The following EAF2 variants were observed in gnomAD, a reference collection of about 807,000 sequenced individuals.
EAF2 encodes ELL-associated factor 2.
Under a neutral mutation model 29.4 loss-of-function variants are expected in EAF2, and 29 were observed. The ratio of observed to expected loss-of-function variants is 0.99; its 90% CI spans 0.73 to 1.35. The LOEUF is 1.35. EAF2 is among the 40% of genes most tolerant of loss of function. The pLI is 0.00. For synonymous variants in EAF2, 103 were observed against 102.5 expected, an observed-to-expected ratio of 1.00 and a Z score of -0.03; for missense variants, 292 against 312.0, an observed-to-expected ratio of 0.94 and a Z score of 0.48.
intron 2 of EAF2, among the ~76,000 whole-genome samples, chr3:121,845,584 T>C (rs1432522569): frequency 6.6e-6 from 1 of 152,022 alleles, no homozygotes; most frequent in Non-Finnish European, 1.5e-5. Flanking sequence ...ATCCCATAGG[T>C]ATTAAAAAAC....
chr3:121,872,820 A>C, intron 5 of EAF2, 32 bp downstream of exon 5: 1 of 1,584,080 alleles, frequency 6.3e-7, no homozygotes, highest in Non-Finnish European at 8.6e-7. Flanking sequence ...CAATTGGAAA[A>C]GTAAGAATTT....
At chr3:121,886,246 A>T (rs1297290868) in intron 5 of EAF2, 96 bp from the exon 6 acceptor site, 1 of 673,260 alleles carries the variant, frequency 1.5e-6, no homozygotes, top group Non-Finnish European at 2.2e-6. Flanking sequence ...AAACAGAATC[A>T]CGCTTGGGGG....
chr3:121,869,971 A>C (rs1708984106), intron 4 of EAF2, among the ~76,000 whole-genome samples: 1 of 152,194 alleles, frequency 6.6e-6, no homozygotes, highest in Admixed American at 6.5e-5. Context: ...TCAAAAGCTA[A>C]AAACTGCCAA....
intron 1 of EAF2, among the ~76,000 whole-genome samples, chr3:121,835,832 G>C (rs1043804085): frequency 6.6e-6 from 1 of 152,076 alleles, no homozygotes; most frequent in Non-Finnish European, 1.5e-5. Context: ...GGCAGATGAG[G>C]GTTCTTATTT....
At chr3:121,865,997 C>T (rs116773765) in intron 4 of EAF2, among the ~76,000 whole-genome samples, 11 of 152,292 alleles carry the variant, frequency 7.2e-5, no homozygotes, top group South Asian at 2.1e-4. Context: ...GAGACTGGAT[C>T]GCACCAATAA....
chr3:121,842,968 A>G (rs2107499452), intron 1 of EAF2, among the ~76,000 whole-genome samples: 1 of 152,258 alleles, frequency 6.6e-6, no homozygotes, highest in South Asian at 2.1e-4. Context: ...ACTCTTTCAC[A>G]TTTTCATATT....
chr3:121,850,694 T>C (rs568011055), intron 2 of EAF2, among the ~76,000 whole-genome samples: 2 of 152,140 alleles, frequency 1.3e-5, no homozygotes, highest in Non-Finnish European at 2.9e-5. Context: ...TCTATTCTTA[T>C]TCTTTTTTTT....
chr3:121,836,607 C>T, intron 1 of EAF2: 2 of 984,494 alleles, frequency 2.0e-6, no homozygotes, highest in Non-Finnish European at 2.4e-6. Context: ...AACAGTGTCC[C>T]TTGTTTATTC....
At position 121,858,515 on chromosome 3, in the gene EAF2, C is replaced by T. The variant is rs71618048; in HGVS notation, c.484+1359C>T. Among the ~76,000 whole-genome samples, 82 of 152,074 alleles carry T rather than the reference C, an allele frequency of 5.4e-4. 1 individual carries two copies. Among genetic ancestry groups the T allele is most frequent in the African/African-American group, 1.9e-3 (78 of 41,508 alleles). On this transcript the variant is annotated intron_variant, in intron 4 of 5. Coordinates refer to ENST00000273668, the MANE Select transcript of EAF2 (RefSeq NM_018456.6). ...TCCTTTGCCCACTTTTTGATGGAGT[C>T]GTTTGTTTTTTTCTTGTAAATTTGT...
intron 4 of EAF2, among the ~76,000 whole-genome samples, chr3:121,862,622 C>T (rs1708852958): frequency 6.6e-6 from 1 of 152,284 alleles, no homozygotes; most frequent in African/African-American, 2.4e-5. Context: ...CGAACATCCT[C>T]CTTTAGCTTG....
intron 5 of EAF2, among the ~76,000 whole-genome samples, chr3:121,879,620 C>T (rs1434772505): frequency 8.3e-5 from 12 of 144,806 alleles, no homozygotes; most frequent in Non-Finnish European, 1.5e-4. Context: ...TTCTTTCTTT[C>T]TTTTTTTTTT....
chr3:121,843,103 C>A (rs7649092), intron 1 of EAF2, among the ~76,000 whole-genome samples: 37,530 of 151,930 alleles, frequency 0.25, 4,969 homozygotes, highest in Non-Finnish European at 0.28. Flanking sequence ...TGTTTATATT[C>A]ATTTGCATTT....
chr3:121,845,205 C>T (rs909533937), intron 2 of EAF2, among the ~76,000 whole-genome samples: 5 of 151,820 alleles, frequency 3.3e-5, no homozygotes, highest in Non-Finnish European at 5.9e-5. Flanking sequence ...TTTGGGAGGC[C>T]GAAGCAGGTG....
At chr3:121,846,668 A>G (rs1278560160) in intron 2 of EAF2, among the ~76,000 whole-genome samples, 1 of 152,134 alleles carries the variant, frequency 6.6e-6, no homozygotes, top group East Asian at 1.9e-4. Context: ...GTCTCAGGCT[A>G]TACAGTATTA....
At chr3:121,881,621 T>C (rs906374493) in intron 5 of EAF2, among the ~76,000 whole-genome samples, 7 of 152,022 alleles carry the variant, frequency 4.6e-5, no homozygotes, top group Non-Finnish European at 8.8e-5. Context: ...GCAATTCTTC[T>C]GCCTCAGCCT....
Position 121,877,836 on chromosome 3 carries a change from C to T in EAF2, c.736+5048C>T, listed in dbSNP as rs1709127252. ...CTCAGGCTGGAGTGTAGTGGTCATTCACAGGTGCAAACATGGTGCACTACA... is the reference window on the plus strand; with the variant it reads ...CTCAGGCTGGAGTGTAGTGGTCATTTACAGGTGCAAACATGGTGCACTACA... On this transcript the variant is annotated intron_variant, in intron 5 of 5. Transcript: ENST00000273668. Among the ~76,000 whole-genome samples, 3 of 151,962 alleles carry T rather than the reference C, an allele frequency of 2.0e-5. No homozygotes were observed. The South Asian group carries it at 6.2e-4, about 32-fold the overall frequency.
At chr3:121,866,670 A>T (rs1708931808) in intron 4 of EAF2, among the ~76,000 whole-genome samples, 1 of 152,194 alleles carries the variant, frequency 6.6e-6, no homozygotes. Flanking sequence ...GGTTGCAGTG[A>T]GCCAAGATAG....
At chr3:121,842,362 G>C (rs1404434768) in intron 1 of EAF2, among the ~76,000 whole-genome samples, 2 of 152,138 alleles carry the variant, frequency 1.3e-5, no homozygotes, top group East Asian at 3.8e-4. Flanking sequence ...ATTCATAAAT[G>C]GTATTTGATA....
At chr3:121,873,763 C>T (rs1010712059) in intron 5 of EAF2, among the ~76,000 whole-genome samples, 9 of 151,862 alleles carry the variant, frequency 5.9e-5, no homozygotes, top group East Asian at 1.9e-4. Context: ...GACCCTTATA[C>T]ATGCTGTCCA....
Sources: gnomAD v4.1 joint callset for allele counts (sites outside exome capture counted in the v4.1 genomes callset) on GRCh38, gnomAD v4.1.1 for gene constraint, MANE v1.5 for transcripts, NCBI Gene and HGNC (gene_info 2026-07-23, HGNC 2026-07-21) for gene names.